SMIM36: variants seen among roughly 807,000 people sequenced by gnomAD.
The protein encoded by SMIM36 is small integral membrane protein 36.
intron 3 of SMIM36, among the ~76,000 whole-genome samples, chr17:55,470,927 C>T (rs1429798845): frequency 2.0e-5 from 3 of 152,116 alleles, no homozygotes; most frequent in African/African-American, 7.2e-5. Context: ...TTACAACTCC[C>T]CCATCCTACC....
intron 4 of SMIM36, among the ~76,000 whole-genome samples, chr17:55,450,894 C>T (rs1249683232): frequency 6.7e-6 from 1 of 149,582 alleles, no homozygotes; most frequent in Non-Finnish European, 1.5e-5. Flanking sequence ...ATAGTGGCTT[C>T]TTTTTTTTTT....
chr17:55,513,243 T>A (rs968276175), upstream of SMIM36, among the ~76,000 whole-genome samples: 5 of 152,114 alleles, frequency 3.3e-5, no homozygotes, highest in South Asian at 2.1e-4. Context: ...TGGAGAATCA[T>A]GGCTATAAAA....
chr17:55,521,492 G>T, the SMIM36 span, among the ~76,000 whole-genome samples: 1 of 152,174 alleles, frequency 6.6e-6, no homozygotes, highest in Non-Finnish European at 1.5e-5. Flanking sequence ...ACCATCTGGA[G>T]GCATTCTGCA....
chr17:55,492,549 C>A (rs1024781435), intron 1 of SMIM36, among the ~76,000 whole-genome samples: 1 of 151,580 alleles, frequency 6.6e-6, no homozygotes, highest in Admixed American at 6.6e-5. Context: ...TGAGCCACTG[C>A]GCCCGGCTTC....
intron 3 of SMIM36, among the ~76,000 whole-genome samples, chr17:55,467,558 A>C (rs1447578209): frequency 6.6e-6 from 1 of 151,960 alleles, no homozygotes; most frequent in Non-Finnish European, 1.5e-5. Flanking sequence ...CACCATGCCC[A>C]GCTAATTTTT....
At chr17:55,467,684 C>T (rs1444230690) in intron 3 of SMIM36, among the ~76,000 whole-genome samples, 2 of 152,204 alleles carry the variant, frequency 1.3e-5, no homozygotes, top group African/African-American at 4.8e-5. Context: ...GCGTGAGCCA[C>T]CGCACTCGGC....
intron 1 of SMIM36, among the ~76,000 whole-genome samples, chr17:55,510,539 G>A (rs1242184120): frequency 6.6e-6 from 1 of 152,150 alleles, no homozygotes. Flanking sequence ...GCTGCAGTGA[G>A]CTATGATCAC....
intron 1 of SMIM36, among the ~76,000 whole-genome samples, chr17:55,497,613 C>G (rs748531543): frequency 3.3e-5 from 5 of 152,116 alleles, no homozygotes; most frequent in Non-Finnish European, 5.9e-5. Context: ...GTAATTCCAG[C>G]TACTTGGGAG....
intron 1 of SMIM36, among the ~76,000 whole-genome samples, chr17:55,486,316 C>T (rs1287164860): frequency 6.6e-6 from 1 of 152,156 alleles, no homozygotes; most frequent in Non-Finnish European, 1.5e-5. Flanking sequence ...GGATTACAGG[C>T]GTGAGCTATG....
intron 1 of SMIM36, among the ~76,000 whole-genome samples, chr17:55,501,471 T>A (rs539281988): frequency 7.4e-3 from 613 of 83,124 alleles, no homozygotes; most frequent in African/African-American, 0.014. Context: ...TATATTATAT[T>A]TTATAATTAT....
At chr17:55,483,913 C>T (rs1364824284) in intron 1 of SMIM36, among the ~76,000 whole-genome samples, 1 of 152,210 alleles carries the variant, frequency 6.6e-6, no homozygotes, top group Non-Finnish European at 1.5e-5. Flanking sequence ...CAGGCATGAG[C>T]CACCGTGCTT....
chr17:55,521,638 C>G, the SMIM36 span, among the ~76,000 whole-genome samples: 1 of 150,240 alleles, frequency 6.7e-6, no homozygotes, highest in African/African-American at 2.5e-5. Flanking sequence ...GTAGATTGGA[C>G]TTGGGAGGAC....
chr17:55,515,409 T>C (rs1351923404), upstream of SMIM36, among the ~76,000 whole-genome samples: 2 of 152,154 alleles, frequency 1.3e-5, no homozygotes, highest in Non-Finnish European at 2.9e-5. Flanking sequence ...TCTTTCCATC[T>C]ATACTGGGTT....
chr17:55,469,794 A>G (rs1437972082), intron 3 of SMIM36, among the ~76,000 whole-genome samples: 4 of 152,160 alleles, frequency 2.6e-5, no homozygotes, highest in African/African-American at 9.7e-5. Context: ...CCTGGCCAAG[A>G]TGGTGAAACC....
intron 1 of SMIM36, among the ~76,000 whole-genome samples, chr17:55,489,281 G>A (rs994249035): frequency 1.4e-4 from 22 of 152,256 alleles, no homozygotes; most frequent in African/African-American, 4.8e-4. Context: ...GGGAGGCTGA[G>A]GCAGGAGAAT....
At chr17:55,474,726 T>G (rs886084747) in intron 3 of SMIM36, among the ~76,000 whole-genome samples, 1 of 152,198 alleles carries the variant, frequency 6.6e-6, no homozygotes, top group African/African-American at 2.4e-5. Flanking sequence ...TTTTTACCCA[T>G]TCTTTGTTTT....
chr17:55,459,699 G>C (rs1909101254), intron 4 of SMIM36, among the ~76,000 whole-genome samples: 1 of 152,192 alleles, frequency 6.6e-6, no homozygotes, highest in African/African-American at 2.4e-5. Flanking sequence ...GCCTAGAATA[G>C]ATGCTAAAAA....
chr17:55,516,906 A>T, the SMIM36 span, among the ~76,000 whole-genome samples: 1 of 152,046 alleles, frequency 6.6e-6, no homozygotes, highest in African/African-American at 2.4e-5. Context: ...TTCTAAGGGG[A>T]GGTGACAAGA....
chr17:55,516,193 A>G (rs1428838081), upstream of SMIM36, among the ~76,000 whole-genome samples: 1 of 152,226 alleles, frequency 6.6e-6, no homozygotes, highest in East Asian at 1.9e-4. Context: ...CAAAACAATG[A>G]AAAACAATGT....
Sources: gnomAD v4.1 joint callset for allele counts (sites outside exome capture counted in the v4.1 genomes callset) on GRCh38, gnomAD v4.1.1 for gene constraint, MANE v1.5 for transcripts, NCBI Gene and HGNC (gene_info 2026-07-23, HGNC 2026-07-21) for gene names.